The following SLC35F4 variants were observed in gnomAD, a reference collection of about 807,000 sequenced individuals.
SLC35F4 encodes solute carrier family 35 member F4.
SLC35F4 carries 24 observed loss-of-function variants against 44.2 expected under a neutral mutation model. That is an observed-to-expected ratio of 0.54 (90% CI 0.39 to 0.76). SLC35F4 has a LOEUF of 0.76. Ranked by LOEUF, SLC35F4 falls within the 30% of genes least tolerant of loss-of-function variation. The pLI is 0.00. For synonymous variants in SLC35F4, 238 were observed against 223.6 expected, an observed-to-expected ratio of 1.06 and a Z score of -0.57; for missense variants, 562 against 586.1, an observed-to-expected ratio of 0.96 and a Z score of 0.42.
chr14:57,634,516 T>C (rs1383771734), intron 1 of SLC35F4, among the ~76,000 whole-genome samples: 1 of 152,020 alleles, frequency 6.6e-6, no homozygotes, highest in Non-Finnish European at 1.5e-5. Context: ...GGGTGGAGTA[T>C]GGCAGGTGGC....
chr14:57,972,748 G>A (rs17094055), downstream of SLC35F4, among the ~76,000 whole-genome samples: 13,952 of 152,134 alleles, frequency 0.092, 890 homozygotes, highest in African/African-American at 0.18. Flanking sequence ...CAGCCAGGCA[G>A]GAGAGTGAGA....
rs1254775957 is a variant in SLC35F4 at position 57,866,070 on chromosome 14, AC to A, written c.-246del. ...CAGCCTGGCAGCTCTCCCGCGCGCC[AC>A]CCGGAGCACTGCTGCCCGAATAGCG... On this transcript the variant is annotated 5_prime_UTR_variant, in exon 1 of 8. Coordinates refer to ENST00000556826, the MANE Select transcript of SLC35F4 (RefSeq NM_001306087.2). 2 of 260,348 alleles carry A rather than the reference AC, an allele frequency of 7.7e-6. No individual in the cohort carries two copies. The highest frequency in any genetic ancestry group is 1.4e-5 in the Non-Finnish European group (2 of 140,556). 16.1% of individuals were successfully genotyped at this position (260,348 alleles called of 1,614,324 possible).
At chr14:57,840,483 T>C (rs1343806227) in intron 1 of SLC35F4, among the ~76,000 whole-genome samples, 1 of 152,158 alleles carries the variant, frequency 6.6e-6, no homozygotes, top group Non-Finnish European at 1.5e-5. Flanking sequence ...ATCAGAAAAT[T>C]AGGTTTTCTG....
intron 1 of SLC35F4, among the ~76,000 whole-genome samples, chr14:57,904,640 T>C (rs1889073049): frequency 6.6e-6 from 1 of 152,230 alleles, no homozygotes; most frequent in South Asian, 2.1e-4. Flanking sequence ...ATTTTCTGTG[T>C]CAGGATCTAG....
At chr14:57,600,554 T>A (rs1321066236) in intron 1 of SLC35F4, among the ~76,000 whole-genome samples, 2 of 145,680 alleles carry the variant, frequency 1.4e-5, no homozygotes, top group Non-Finnish European at 3.0e-5. Context: ...TAGCCGGGCG[T>A]AGTGGCGGGC....
At chr14:57,913,230 T>C (rs1889250956) in intron 1 of SLC35F4, among the ~76,000 whole-genome samples, 1 of 151,962 alleles carries the variant, frequency 6.6e-6, no homozygotes, top group Non-Finnish European at 1.5e-5. Context: ...ATAAACTCTG[T>C]CTTTTAGTTG....
chr14:57,912,881 C>G (rs1167449842), intron 1 of SLC35F4, among the ~76,000 whole-genome samples: 1 of 152,034 alleles, frequency 6.6e-6, no homozygotes, highest in East Asian at 1.9e-4. Context: ...TTAACTATAA[C>G]TATGGATTCA....
rs1255980934 is a variant in SLC35F4, at chr14:57,859,664, T to C, written c.103+6059A>G. Among the ~76,000 whole-genome samples the C allele has an allele frequency of 3.9e-5, 6 of 152,162 alleles. No individual in the cohort carries two copies. In the East Asian group the frequency reaches 5.8e-4, roughly 15 times the overall value. On this transcript the variant is annotated intron_variant, in intron 1 of 7. Coordinates refer to ENST00000556826, the MANE Select transcript of SLC35F4 (RefSeq NM_001306087.2). ...CTGCACTGTAGGGAAGTAAATATTT[T>C]TAAGGTGCGTATGCTGGATTGGAAG...
intron 1 of SLC35F4, among the ~76,000 whole-genome samples, chr14:57,633,104 G>A (rs1414435054): frequency 6.6e-6 from 1 of 152,112 alleles, no homozygotes; most frequent in Non-Finnish European, 1.5e-5. Context: ...ATGTCCGCAT[G>A]TACCACAGTT....
rs1217667831 is a variant in SLC35F4 at position 57,576,544 on chromosome 14, C to A, written c.808-4525G>T. Among the ~76,000 whole-genome samples, 3 of 152,156 alleles carry A rather than the reference C, an allele frequency of 2.0e-5. 1 individual carries two copies. The highest frequency in any genetic ancestry group is 2.0e-4 in the Admixed American group (3 of 15,282). ...TCAAGGAACTATGGCTATACAGAAT[C>A]CTTAAACTTCTGCATATGTTATATT... On this transcript the variant is annotated intron_variant, in intron 4 of 7. Coordinates refer to ENST00000556826, the MANE Select transcript of SLC35F4 (RefSeq NM_001306087.2).
intron 1 of SLC35F4, among the ~76,000 whole-genome samples, chr14:57,648,471 C>T (rs1003256481): frequency 1.3e-5 from 2 of 152,050 alleles, no homozygotes; most frequent in Non-Finnish European, 2.9e-5. Flanking sequence ...TAGTTTATTG[C>T]CATTTTTTTC....
chr14:57,838,038 T>C (rs994442233), intron 1 of SLC35F4, among the ~76,000 whole-genome samples: 2 of 152,152 alleles, frequency 1.3e-5, no homozygotes, highest in African/African-American at 4.8e-5. Flanking sequence ...GTTCTTCCTA[T>C]AGGTAAAGTA....
At chr14:57,638,027 G>C (rs1017710453) in intron 1 of SLC35F4, among the ~76,000 whole-genome samples, 1 of 152,100 alleles carries the variant, frequency 6.6e-6, no homozygotes, top group African/African-American at 2.4e-5. Flanking sequence ...GGTCATACCA[G>C]GCAGGAGTTA....
intron 5 of SLC35F4, among the ~76,000 whole-genome samples, chr14:57,570,911 G>A (rs982094055): frequency 1.3e-5 from 2 of 152,102 alleles, no homozygotes; most frequent in African/African-American, 4.8e-5. Flanking sequence ...GGTCACATCA[G>A]ACATCTTGGT....
intron 1 of SLC35F4, among the ~76,000 whole-genome samples, chr14:57,720,935 A>G (rs2076069037): frequency 7.1e-6 from 1 of 140,996 alleles, no homozygotes; most frequent in Non-Finnish European, 1.5e-5. Context: ...ACTTGTAGAC[A>G]GCCTATTGTG....
At chr14:57,618,332 G>A (rs1338417153) in intron 1 of SLC35F4, among the ~76,000 whole-genome samples, 4 of 152,148 alleles carry the variant, frequency 2.6e-5, no homozygotes, top group African/African-American at 7.2e-5. Flanking sequence ...TCCAACTGAG[G>A]TACCTGGTTC....
At chr14:57,577,855 T>G (rs2068909905) in intron 4 of SLC35F4, among the ~76,000 whole-genome samples, 1 of 152,212 alleles carries the variant, frequency 6.6e-6, no homozygotes, top group Non-Finnish European at 1.5e-5. Flanking sequence ...TTTCATGGGA[T>G]GATCACAGAT....
intron 1 of SLC35F4, among the ~76,000 whole-genome samples, chr14:57,752,616 A>G (rs1221673368): frequency 6.6e-6 from 1 of 151,894 alleles, no homozygotes; most frequent in East Asian, 1.9e-4. Context: ...GCACACTACC[A>G]TACCAGGCTA....
intron 1 of SLC35F4, among the ~76,000 whole-genome samples, chr14:57,611,546 A>C (rs2071500656): frequency 6.6e-6 from 1 of 151,610 alleles, no homozygotes; most frequent in Non-Finnish European, 1.5e-5. Flanking sequence ...TCAAAGGCAA[A>C]AGCAGAGTCA....
Sources: allele counts gnomAD v4.1 joint callset (sites outside exome capture counted in the v4.1 genomes callset), GRCh38; gene constraint gnomAD v4.1.1; transcripts MANE v1.5; gene names NCBI Gene and HGNC (gene_info 2026-07-23, HGNC 2026-07-21).